The following PCDHGA4 variants were observed in gnomAD, a reference collection of about 807,000 sequenced individuals.
The protein encoded by PCDHGA4 is protocadherin gamma subfamily A, 4.
Under a neutral mutation model 54.6 loss-of-function variants are expected in PCDHGA4, and 38 were observed. The observed-to-expected ratio is 0.70, with a 90% CI of 0.54 to 0.91. The LOEUF is 0.91. Ranked by LOEUF, PCDHGA4 falls within the 40% of genes least tolerant of loss-of-function variation. The pLI, the probability that PCDHGA4 is intolerant of heterozygous loss-of-function variation, is 0.00. For missense variants in PCDHGA4, 1,298 were observed against 1,220.9 expected (o/e 1.06, Z -0.94); for synonymous variants, 511 against 512.9 (o/e 1.00, Z 0.05).
chr5:141,423,517 T>A (rs750915364), intron 1 of PCDHGA4: 1 of 1,613,834 alleles, frequency 6.2e-7, no homozygotes, highest in Admixed American at 1.7e-5. Context: ...CATTGCGGAC[T>A]CGCAGAAGAG....
chr5:141,432,276 C>G lies in PCDHGA4; in HGVS notation c.2515-62531C>G, dbSNP rs747589363. ...GGGGCAAGCCTATCGTCCTACGTGT[C>G]CATCAACTCCGACACTGGGGTACTG... On this transcript the variant is annotated intron_variant, in intron 1 of 3. Transcript: ENST00000571252. The surrounding 1 kb of genome is among the most constrained non-coding windows in gnomAD (Gnocchi z 6.0). 6.2e-7 allele frequency: 1 copy of G among 1,614,236 alleles called. No homozygotes were observed. Among genetic ancestry groups the G allele is most frequent in the Non-Finnish European group, 8.5e-7 (1 of 1,180,044 alleles).
In PCDHGA4 at chr5:141,356,397, A is replaced by G. The variant is rs746367214; in HGVS notation, c.1290A>G (p.Gly430=). 3 of 1,582,770 alleles carry G rather than the reference A, an allele frequency of 1.9e-6. No individual in the cohort carries two copies. The highest frequency in any genetic ancestry group is 2.7e-5 in the African/African-American group (2 of 74,178). The change falls in exon 1 of 4, where the codon GGA becomes GGG. Residue 430 remains glycine (G), a synonymous_variant. Coordinates refer to ENST00000571252, the MANE Select transcript of PCDHGA4 (RefSeq NM_018917.4). The part of the protein sequence containing the change: ...NLPFTLEKTY[G]NYYRLLTHRT... ...CATTCACACTTGAAAAGACCTATGGAAATTATTATCGGTTGTTGACACACA... is the reference window on the plus strand; with the variant it reads ...CATTCACACTTGAAAAGACCTATGGGAATTATTATCGGTTGTTGACACACA...
intron 1 of PCDHGA4, chr5:141,423,722 G>T: frequency 1.0e-6 from 1 of 954,174 alleles, no homozygotes; most frequent in Non-Finnish European, 1.3e-6. Flanking sequence ...TTAAGGAGAT[G>T]TTTTTTGAGC....
chr5:141,505,302 G>GTAC, intron 2 of PCDHGA4, 91 bp from the exon 3 acceptor site: 5 of 1,592,714 alleles, frequency 3.1e-6, no homozygotes, highest in Non-Finnish European at 4.3e-6. Context: ...TAGGGTTAGG[G>GTAC]TACTAGGTTT....
intron 1 of PCDHGA4, chr5:141,399,279 C>G (rs370090713): frequency 1.2e-6 from 2 of 1,613,694 alleles, no homozygotes; most frequent in Non-Finnish European, 1.7e-6. Flanking sequence ...AATTACAAGG[C>G]GAAGTCCCTT....
rs200580042 is a variant in PCDHGA4 at position 141,486,553 on chromosome 5, T to C, written c.2515-8254T>C. 5.4e-5 allele frequency: 87 copies of C among 1,614,028 alleles called. No individual in the cohort carries two copies. The highest frequency in any genetic ancestry group is 7.2e-5 in the Non-Finnish European group (85 of 1,180,046). On this transcript the variant is annotated intron_variant, in intron 1 of 3. Coordinates refer to ENST00000571252, the MANE Select transcript of PCDHGA4 (RefSeq NM_018917.4). The surrounding 1 kb of genome is among the most constrained non-coding windows in gnomAD (Gnocchi z 5.0). ...CACCCTCTTTCTTTCAGAGGTCACA[T>C]GAGGTGTTTGTTCCTGAGAACAATC...
intron 2 of PCDHGA4, among the ~76,000 whole-genome samples, chr5:141,504,999 T>C (rs1278633184): frequency 6.6e-6 from 1 of 152,000 alleles, no homozygotes; most frequent in African/African-American, 2.4e-5. Context: ...CCGTCTGTAC[T>C]AAAAATACAA....
intron 1 of PCDHGA4, chr5:141,414,963 G>T (rs2095808106): frequency 1.1e-5 from 17 of 1,614,006 alleles, no homozygotes; most frequent in Non-Finnish European, 1.4e-5. Context: ...CCAAGGTGGT[G>T]GCGGTGGACA....
chr5:141,380,968 A>T (rs1005346854), intron 1 of PCDHGA4, among the ~76,000 whole-genome samples: 1 of 152,270 alleles, frequency 6.6e-6, no homozygotes, highest in African/African-American at 2.4e-5. Flanking sequence ...AAGTACTATT[A>T]AACAAATAGA....
intron 1 of PCDHGA4, among the ~76,000 whole-genome samples, chr5:141,448,378 A>G (rs1288817591): frequency 6.6e-6 from 1 of 152,154 alleles, no homozygotes; most frequent in East Asian, 1.9e-4. Context: ...ATTTTTGAAT[A>G]GGAAATACAT....
intron 1 of PCDHGA4, chr5:141,441,801 G>A (rs954094882): frequency 7.8e-6 from 3 of 384,492 alleles, no homozygotes; most frequent in African/African-American, 4.4e-5. Flanking sequence ...CGCACCGCGG[G>A]TGCTGTACCC....
chr5:141,446,936 C>G (rs935365668), intron 1 of PCDHGA4, among the ~76,000 whole-genome samples: 3 of 152,176 alleles, frequency 2.0e-5, no homozygotes, highest in African/African-American at 7.2e-5. Context: ...CTCTTTTTCA[C>G]TGTAAGAAAC....
At chr5:141,454,941 G>A (rs2098807517) in intron 1 of PCDHGA4, among the ~76,000 whole-genome samples, 1 of 150,970 alleles carries the variant, frequency 6.6e-6, no homozygotes, top group Non-Finnish European at 1.5e-5. Flanking sequence ...CCGAGTAGCT[G>A]GGACTACAGG....
chr5:141,418,513 G>A (rs377653202), intron 1 of PCDHGA4: 1 of 1,613,960 alleles, frequency 6.2e-7, no homozygotes, highest in Non-Finnish European at 8.5e-7. Flanking sequence ...TAGATGGTGG[G>A]GACCCTCCCC....
At chr5:141,365,873 T>C in intron 1 of PCDHGA4, 2 of 1,614,096 alleles carry the variant, frequency 1.2e-6, no homozygotes, top group Non-Finnish European at 1.7e-6. Flanking sequence ...CGGTGTCCTG[T>C]ATGCTCTGAG....
In PCDHGA4 at chr5:141,490,670, C is replaced by A. The variant is rs1003577285; in HGVS notation, c.2515-4137C>A. ...CCGGGCTCCCTTCTTTGCACTGTGG[C>A]TGCCTCAGATCCAGACACTGGGGAT... On this transcript the variant is annotated intron_variant, in intron 1 of 3. Coordinates refer to ENST00000571252, the MANE Select transcript of PCDHGA4 (RefSeq NM_018917.4). This position sits in a 1 kb window ranked among gnomAD's most constrained non-coding sequence, Gnocchi z 5.4. 4 of 1,614,194 alleles carry A rather than the reference C, an allele frequency of 2.5e-6. No homozygotes were observed. The highest frequency in any genetic ancestry group is 3.4e-6 in the Non-Finnish European group (4 of 1,179,986).
rs201669321 is a variant in PCDHGA4, at chr5:141,375,837, G to A, written c.2514+18216G>A. The A allele has an allele frequency of 2.1e-5, 34 of 1,613,980 alleles. No individual in the cohort carries two copies. Among genetic ancestry groups the A allele is most frequent in the Non-Finnish European group, 2.6e-5 (31 of 1,180,040 alleles). Reference sequence around the variant, plus strand: ...CTGGCGCCCCGCTCCGCAGAGCCCGGCTACCTGGTGACCAAGGTGGTGGCG... The same window carrying A: ...CTGGCGCCCCGCTCCGCAGAGCCCGACTACCTGGTGACCAAGGTGGTGGCG... On this transcript the variant is annotated intron_variant, in intron 1 of 3. Coordinates refer to ENST00000571252, the MANE Select transcript of PCDHGA4 (RefSeq NM_018917.4).
At chr5:141,389,235 TCA>T (rs2091656158) in intron 1 of PCDHGA4, 4 of 1,614,080 alleles carry the variant, frequency 2.5e-6, no homozygotes, top group Non-Finnish European at 2.5e-6. Flanking sequence ...TCCGGTTTTC[TCA>T]CAGTCTTCCT....
chr5:141,370,960 G>A, intron 1 of PCDHGA4: 2 of 1,614,014 alleles, frequency 1.2e-6, no homozygotes, highest in Non-Finnish European at 1.7e-6. Context: ...CTGGATGGCA[G>A]TAGGTACCCA....
Sources: gnomAD v4.1 joint callset for allele counts (sites outside exome capture counted in the v4.1 genomes callset) on GRCh38, gnomAD v4.1.1 for gene constraint, Gnocchi (gnomAD v3.1) non-coding constraint, MANE v1.5 for transcripts, NCBI Gene and HGNC (gene_info 2026-07-23, HGNC 2026-07-21) for gene names.